The following RORA variants were observed in gnomAD, a reference collection of about 807,000 sequenced individuals.
RORA encodes the protein nuclear receptor ROR-alpha.
Under a neutral mutation model 69.5 loss-of-function variants are expected in RORA, and 7 were observed. That is an observed-to-expected ratio of 0.10 (90% CI 0.06 to 0.19). RORA has a LOEUF of 0.19. RORA is among the 10% of genes least tolerant of loss of function. The pLI, the probability that RORA is intolerant of heterozygous loss-of-function variation, is 1.00. For missense variants in RORA, 457 were observed against 663.0 expected (o/e 0.69, Z 3.41); for synonymous variants, 261 against 240.8 (o/e 1.08, Z -0.78).
chr15:60,596,574 G>T (rs990492270), intron 2 of RORA, among the ~76,000 whole-genome samples: 2 of 152,016 alleles, frequency 1.3e-5, no homozygotes, highest in Non-Finnish European at 2.9e-5. Context: ...AACTAACCTA[G>T]AAGAGATCAC....
chr15:61,189,639 C>T (rs1322619680), intron 1 of RORA, among the ~76,000 whole-genome samples: 8 of 151,954 alleles, frequency 5.3e-5, no homozygotes, highest in South Asian at 4.2e-4. Context: ...AGGCAGATCA[C>T]GAGGTCAGGA....
chr15:61,056,506 T>C (rs1418832318), intron 1 of RORA, among the ~76,000 whole-genome samples: 1 of 152,224 alleles, frequency 6.6e-6, no homozygotes, highest in Non-Finnish European at 1.5e-5. Context: ...GAATTAACCA[T>C]ATTTTGGGTA....
chr15:60,777,831 C>A (rs576224180), intron 1 of RORA, among the ~76,000 whole-genome samples: 2 of 152,252 alleles, frequency 1.3e-5, no homozygotes, highest in South Asian at 4.2e-4. Flanking sequence ...GCGTATTGAA[C>A]TGCTGAGCAA....
At chr15:60,967,180 T>A (rs1893577241) in intron 1 of RORA, among the ~76,000 whole-genome samples, 1 of 152,244 alleles carries the variant, frequency 6.6e-6, no homozygotes, top group Non-Finnish European at 1.5e-5. Flanking sequence ...GATACTTAAA[T>A]ATTTTTTGTA....
At chr15:60,712,016 AT>A (rs1450326995) in intron 1 of RORA, among the ~76,000 whole-genome samples, 10 of 152,180 alleles carry the variant, frequency 6.6e-5, no homozygotes, top group Non-Finnish European at 1.5e-4. Context: ...TAATACACAG[AT>A]TTTTTTAAAC....
At chr15:60,850,028 T>C (rs1001681674) in intron 1 of RORA, among the ~76,000 whole-genome samples, 12 of 152,070 alleles carry the variant, frequency 7.9e-5, no homozygotes, top group African/African-American at 2.9e-4. Context: ...AGGGAAGACA[T>C]AGATAATTTT....
At position 61,213,049 on chromosome 15, in the gene RORA, G is replaced by A. The variant is rs565836497; in HGVS notation, c.166+16004C>T. Among the ~76,000 whole-genome samples the A allele has an allele frequency of 1.4e-4, 22 of 151,958 alleles. No individual in the cohort carries two copies. Among genetic ancestry groups the A allele is most frequent in the African/African-American group, 4.3e-4 (18 of 41,434 alleles). On this transcript the variant is annotated intron_variant, in intron 1 of 10. Transcript: ENST00000335670. This position sits in a 1 kb window ranked among gnomAD's most constrained non-coding sequence, Gnocchi z 4.1. ...GCTCCCTGCTAGACCCCCATTCCCC[G>A]CTGCCCATCAGATATGTCCCTGGAA... is the stretch of plus-strand genomic sequence containing the variant.
intron 1 of RORA, among the ~76,000 whole-genome samples, chr15:61,205,878 G>A (rs1295829298): frequency 3.3e-5 from 5 of 152,148 alleles, no homozygotes; most frequent in Non-Finnish European, 7.4e-5. Flanking sequence ...TCAGGGGAAG[G>A]GGATGGGGAC....
At chr15:60,726,755 T>C (rs2071362242) in intron 1 of RORA, among the ~76,000 whole-genome samples, 1 of 152,102 alleles carries the variant, frequency 6.6e-6, no homozygotes, top group East Asian at 1.9e-4. Flanking sequence ...TAATAGCTCA[T>C]AAAATAAAAC....
intron 1 of RORA, among the ~76,000 whole-genome samples, chr15:60,899,646 C>T (rs1046241547): frequency 3.3e-5 from 5 of 152,146 alleles, no homozygotes; most frequent in Admixed American, 6.5e-5. Flanking sequence ...CAGGTAAGGA[C>T]GTCAGCAAAA....
chr15:60,796,881 G>A (rs1208559462), intron 1 of RORA, among the ~76,000 whole-genome samples: 1 of 151,746 alleles, frequency 6.6e-6, no homozygotes, highest in Non-Finnish European at 1.5e-5. Context: ...GACCCATACA[G>A]GCTACATCCT....
intron 1 of RORA, among the ~76,000 whole-genome samples, chr15:60,981,394 G>C (rs1004428318): frequency 1.3e-5 from 2 of 151,916 alleles, no homozygotes; most frequent in African/African-American, 4.8e-5. Context: ...TCAAATCATG[G>C]TTCTACCCCT....
intron 1 of RORA, among the ~76,000 whole-genome samples, chr15:61,023,827 T>C (rs1895662170): frequency 6.6e-6 from 1 of 152,220 alleles, no homozygotes; most frequent in Non-Finnish European, 1.5e-5. Context: ...TCACATGGGA[T>C]GAGAGACCTT....
chr15:61,091,638 C>T (rs1011059323), intron 1 of RORA, among the ~76,000 whole-genome samples: 1 of 152,222 alleles, frequency 6.6e-6, no homozygotes, highest in Non-Finnish European at 1.5e-5. Context: ...AGATTGACTA[C>T]AGGAAGCATT....
intron 1 of RORA, among the ~76,000 whole-genome samples, chr15:61,030,131 T>A (rs1418946300): frequency 6.6e-6 from 1 of 152,092 alleles, no homozygotes; most frequent in Non-Finnish European, 1.5e-5. Context: ...GTTATGGAAG[T>A]CAAGGAAACG....
intron 1 of RORA, among the ~76,000 whole-genome samples, chr15:61,044,985 G>C (rs570662879): frequency 6.6e-6 from 1 of 152,188 alleles, no homozygotes; most frequent in African/African-American, 2.4e-5. Flanking sequence ...GGGGGCACTC[G>C]GGAAAATGTG....
chr15:61,135,578 CAA>C (rs11453914), intron 1 of RORA, among the ~76,000 whole-genome samples: 6 of 112,310 alleles, frequency 5.3e-5, no homozygotes, highest in Admixed American at 2.0e-4. Flanking sequence ...ATTTCCACAT[CAA>C]AAAAAAAAAA....
Position 61,229,167 on chromosome 15 carries a change from T to A in RORA, c.52A>T (p.Ser18Cys). 1 of 1,552,696 alleles carries A rather than the reference T, an allele frequency of 6.4e-7. No individual in the cohort carries two copies. Among genetic ancestry groups the A allele is most frequent in the East Asian group, 2.4e-5 (1 of 41,582 alleles). ...GAGCCGGCGGCCGCGTCCGCGCCGCTGCTGCCTGGCTCGCTGGCGGCGGGG... is the reference window on the plus strand; with the variant it reads ...GAGCCGGCGGCCGCGTCCGCGCCGCAGCTGCCTGGCTCGCTGGCGGCGGGG... ...PDPAASEPGS[S>C]GADAAAGSRE... Residue 18 changes from serine to cysteine, a missense_variant, in exon 1 of 11, where the codon AGC (serine) becomes TGC (cysteine). This residue lies in a region of RORA where 119 missense variants were observed against 92.4 expected (regional missense o/e 1.29). Transcript: ENST00000335670.
rs182677178 is a variant in RORA, at chr15:60,590,467, G to A, written c.197-58616C>T. Among the ~76,000 whole-genome samples, 12 of 152,110 alleles carry A rather than the reference G, an allele frequency of 7.9e-5. No homozygotes were observed. In the East Asian group the frequency reaches 2.3e-3, roughly 29 times the overall value. The stretch of plus-strand genomic sequence containing the variant: ...GTACTTTCCTTTTTTTTGGTGGGTC[G>A]TTACTGTTCATTAGGGGAGAAAGCA... On this transcript the variant is annotated intron_variant, in intron 2 of 10. Transcript: ENST00000335670.
Sources: allele counts gnomAD v4.1 joint callset (sites outside exome capture counted in the v4.1 genomes callset), GRCh38; gene constraint gnomAD v4.1.1; regional missense constraint gnomAD v4.1.1; non-coding constraint Gnocchi (gnomAD v3.1); transcripts MANE v1.5; gene names NCBI Gene and HGNC (gene_info 2026-07-23, HGNC 2026-07-21).